MED25: variants seen among roughly 807,000 people sequenced by gnomAD.
The protein encoded by MED25 is mediator complex subunit 25.
In MED25, 62 loss-of-function variants were observed where a neutral mutation model predicts 89.4. That is an observed-to-expected ratio of 0.69 (90% confidence interval 0.57 to 0.86). MED25 has a LOEUF of 0.86. MED25 is among the 40% of genes least tolerant of loss of function. The pLI is 0.00. For missense variants in MED25, 905 were observed against 1,005.2 expected (o/e 0.90, Z 1.35); for synonymous variants, 449 against 427.9 (o/e 1.05, Z -0.61).
At chr19:49,818,697 G>A in intron 2 of MED25, 81 bp downstream of exon 2, 1 of 1,335,134 alleles carries the variant, frequency 7.5e-7, no homozygotes, top group Non-Finnish European at 1.1e-6. Context: ...AGAAAGGGCT[G>A]GGCCTGGACT....
At position 49,830,883 on chromosome 19, in the gene MED25, C is replaced by T; in HGVS notation, c.1097C>T (p.Ser366Phe). The T allele has an allele frequency of 1.2e-6, 2 of 1,606,292 alleles. No homozygotes were observed. The highest frequency in any genetic ancestry group is 2.2e-5 in the East Asian group (1 of 44,858). The change falls in exon 9 of 18, where the codon TCC becomes TTC. Residue 366 changes from serine (S) to phenylalanine (F), a missense_variant. By Grantham distance (155) the Ser-to-Phe change is radical (BLOSUM62 -2). Transcript: ENST00000312865. This position sits in a 1 kb window ranked among gnomAD's most constrained non-coding sequence, Gnocchi z 4.6. ...CCCACGGCACAGCCCGGGGCACCGT[C>T]CATGGTAGGTGCCTGCACGCCTCCT... ...LAPTAQPGAP[S>F]MAGTVAPGGV...
chr19:49,833,623 C>A (rs1048046931), intron 13 of MED25: 24 of 152,182 alleles, frequency 1.6e-4, no homozygotes, highest in African/African-American at 5.3e-4. Flanking sequence ...TAATTGGGGG[C>A]ACTCGGAAAA....
rs756788953 is a variant in MED25 at position 49,831,505 on chromosome 19, C to G, written c.1230+44C>G. ...CATTGGGCACTTGGGACTCCTGGGG[C>G]CGTGGGGCTGGGCATGTAGGACTCA... On this transcript the variant is annotated intron_variant, in intron 10 of 17. Transcript: ENST00000312865. This position sits in a 1 kb window ranked among gnomAD's most constrained non-coding sequence, Gnocchi z 5.0. The G allele has an allele frequency of 6.3e-7, 1 of 1,598,618 alleles. No individual in the cohort carries two copies. Among genetic ancestry groups the G allele is most frequent in the Non-Finnish European group, 8.5e-7 (1 of 1,171,234 alleles).
downstream of MED25, chr19:49,839,670 CA>C (rs1471719387): frequency 6.6e-6 from 1 of 152,206 alleles, no homozygotes; most frequent in Non-Finnish European, 1.5e-5. Flanking sequence ...TGTCCACAAA[CA>C]GCTACTTGAA....
chr19:49,836,042 G>A lies in MED25; in HGVS notation c.1965+97G>A. ...GGAGGGAGGTTGACTGTGGTCAGTG[G>A]GTGTGAATGGGGACCCGCCCAGGGC... is the stretch of plus-strand genomic sequence containing the variant. On this transcript the variant is annotated intron_variant, in intron 16 of 17. Coordinates refer to ENST00000312865, the MANE Select transcript of MED25 (RefSeq NM_030973.4). The surrounding 1 kb of genome is among the most constrained non-coding windows in gnomAD (Gnocchi z 5.1). The A allele has an allele frequency of 1.3e-6, 2 of 1,558,304 alleles. No homozygotes were observed. The highest frequency in any genetic ancestry group is 8.7e-7 in the Non-Finnish European group (1 of 1,152,896).
Position 49,829,754 on chromosome 19 carries a change from C to T in MED25, c.526-32C>T, listed in dbSNP as rs1480952179. The T allele has an allele frequency of 3.2e-6, 5 of 1,561,092 alleles. No homozygotes were observed. Among genetic ancestry groups the T allele is most frequent in the Admixed American group, 1.9e-5 (1 of 52,644 alleles). ...GGCCCCAACACCCTTATGGAGGGGG[C>T]CCGTCATGACTGCTCGGCCCCTCTC... On this transcript the variant is annotated intron_variant, in intron 5 of 17. Coordinates refer to ENST00000312865, the MANE Select transcript of MED25 (RefSeq NM_030973.4). This position sits in a 1 kb window ranked among gnomAD's most constrained non-coding sequence, Gnocchi z 4.6.
rs1457024436 is a variant in MED25 at position 49,835,959 on chromosome 19, G to A, written c.1965+14G>A. Reference sequence around the variant, plus strand: ...AACCCACCACCGGTGAGATGTTGGGGTGGGGTAGCGAGAGTTCCAGATCCT... The same window carrying A: ...AACCCACCACCGGTGAGATGTTGGGATGGGGTAGCGAGAGTTCCAGATCCT... On this transcript the variant is annotated intron_variant, in intron 16 of 17. Transcript: ENST00000312865. The surrounding 1 kb of genome is among the most constrained non-coding windows in gnomAD (Gnocchi z 6.2). The A allele has an allele frequency of 6.2e-7, 1 of 1,612,630 alleles. No homozygotes were observed.
At position 49,835,593 on chromosome 19, in the gene MED25, C is replaced by G; in HGVS notation, c.1734C>G (p.Pro578=). 1 of 1,562,520 alleles carries G rather than the reference C, an allele frequency of 6.4e-7. No homozygotes were observed. The highest frequency in any genetic ancestry group is 8.7e-7 in the Non-Finnish European group (1 of 1,153,766). The change falls in exon 15 of 18, where the codon CCC becomes CCG. Residue 578 remains proline (P), a synonymous_variant. Coordinates refer to ENST00000312865, the MANE Select transcript of MED25 (RefSeq NM_030973.4). This position sits in a 1 kb window ranked among gnomAD's most constrained non-coding sequence, Gnocchi z 6.2. ...CCATTCTGGAGGACCAAGCCAGGCC[C>G]TCACAGAATCTGGTGAGGACAGGGC... is the stretch of plus-strand genomic sequence containing the variant. ...LGPILEDQAR[P]SQNLLQLRPP...
Position 49,835,693 on chromosome 19 carries a change from C to A in MED25, c.1747-34C>A. The A allele has an allele frequency of 1.3e-6, 2 of 1,599,202 alleles. No individual in the cohort carries two copies. The highest frequency in any genetic ancestry group is 2.3e-5 in the East Asian group (1 of 43,684). Reference sequence around the variant, plus strand: ...CTGCAGAAGGGGCGTGAGGCCCTGCCCATCTCCCTCACCCCTGTGTCTCTT... The same window carrying A: ...CTGCAGAAGGGGCGTGAGGCCCTGCACATCTCCCTCACCCCTGTGTCTCTT... On this transcript the variant is annotated intron_variant, in intron 15 of 17. Transcript: ENST00000312865. This position sits in a 1 kb window ranked among gnomAD's most constrained non-coding sequence, Gnocchi z 6.2.
At chr19:49,827,360 G>C (rs1166328495) in intron 3 of MED25, among the ~76,000 whole-genome samples, 2 of 152,174 alleles carry the variant, frequency 1.3e-5, no homozygotes, top group Non-Finnish European at 2.9e-5. Flanking sequence ...ATGAGAAACT[G>C]GCCAGAAGAA....
intron 2 of MED25, chr19:49,818,960 G>GGGCTCCT (rs1188204183): frequency 6.2e-6 from 4 of 640,468 alleles, no homozygotes; most frequent in Non-Finnish European, 1.1e-5. Context: ...GCTGGGGCCT[G>GGGCTCCT]GGCTCCTGGG....
In MED25 at chr19:49,835,994, G is replaced by T. The variant is rs761186333; in HGVS notation, c.1965+49G>T. The T allele has an allele frequency of 6.2e-7, 1 of 1,602,946 alleles. No individual in the cohort carries two copies. Among genetic ancestry groups the T allele is most frequent in the South Asian group, 1.1e-5 (1 of 89,694 alleles). ...GAGAGTTCCAGATCCTGGCCCTGGT[G>T]GTTCTGGTCCTGTTGTCTGGGAGGA... On this transcript the variant is annotated intron_variant, in intron 16 of 17. Coordinates refer to ENST00000312865, the MANE Select transcript of MED25 (RefSeq NM_030973.4). The surrounding 1 kb of genome is among the most constrained non-coding windows in gnomAD (Gnocchi z 6.2).
chr19:49,825,845 T>C (rs2074011942), intron 3 of MED25, among the ~76,000 whole-genome samples: 1 of 151,576 alleles, frequency 6.6e-6, no homozygotes, highest in African/African-American at 2.4e-5. Context: ...AAAAAAAATT[T>C]ATCACCCCAA....
chr19:49,830,485 C>T lies in MED25; in HGVS notation c.820-26C>T, dbSNP rs559317751. 1.9e-6 allele frequency: 3 copies of T among 1,611,132 alleles called. No individual in the cohort carries two copies. Among genetic ancestry groups the T allele is most frequent in the East Asian group, 2.2e-5 (1 of 44,858 alleles). Reference sequence around the variant, plus strand: ...GGGGGGCCATGGTCCTCACCAGTCCCTTCCCTTCTTCCCTTCTACCCACAG... The same window carrying T: ...GGGGGGCCATGGTCCTCACCAGTCCTTTCCCTTCTTCCCTTCTACCCACAG... On this transcript the variant is annotated intron_variant, in intron 7 of 17. Transcript: ENST00000312865. This position sits in a 1 kb window ranked among gnomAD's most constrained non-coding sequence, Gnocchi z 4.6.
rs2074059853 is a variant in MED25 at position 49,831,877 on chromosome 19, G to A, written c.1231-59G>A. On this transcript the variant is annotated intron_variant, in intron 10 of 17. Coordinates refer to ENST00000312865, the MANE Select transcript of MED25 (RefSeq NM_030973.4). The surrounding 1 kb of genome is among the most constrained non-coding windows in gnomAD (Gnocchi z 5.0). ...GGGGCTACCAGGGTAGGACATGAGG[G>A]CTCAAGGGGACTGAGGCTTATGGCC... 1.3e-6 allele frequency: 2 copies of A among 1,486,826 alleles called. No homozygotes were observed. Among genetic ancestry groups the A allele is most frequent in the South Asian group, 1.1e-5 (1 of 88,290 alleles). 92.1% of individuals were successfully genotyped at this position (1,486,826 alleles called of 1,614,324 possible). A position where few individuals can be genotyped will look rare whatever the true frequency, so the allele number is the denominator to read the frequency against.
chr19:49,832,760 G>A (rs1045809201), intron 13 of MED25: 17 of 374,654 alleles, frequency 4.5e-5, no homozygotes, highest in Non-Finnish European at 7.7e-5. Flanking sequence ...CAACAGAAAC[G>A]TGTTCTATCC....
chr19:49,818,460 T>C lies in MED25; in HGVS notation c.119T>C (p.Leu40Pro), dbSNP rs1439974426. 6.2e-7 allele frequency: 1 copy of C among 1,614,186 alleles called. No homozygotes were observed. The change falls in exon 1 of 18, where the codon CTG (leucine) becomes CCG (proline). Residue 40 changes from leucine (L) to proline (P), a missense_variant. Leu to Pro is a moderately conservative substitution (Grantham distance 98). Transcript: ENST00000312865. Reference sequence around the variant, plus strand: ...TTCGAGGGGCTCCGCAAGCACTACCTGCTCCCGGCCATCGAGTGAGTGCTG... The same window carrying C: ...TTCGAGGGGCTCCGCAAGCACTACCCGCTCCCGGCCATCGAGTGAGTGCTG... ...PYFEGLRKHY[L>P]LPAIEYFNGG...
Position 49,836,548 on chromosome 19 carries a change from T to G in MED25, c.2146+142T>G. ...TTCCCCCATGGCCTTTGCGGAGCTC[T>G]GAGGGCTCCGGGAAAGTACAGCCCA... On this transcript the variant is annotated intron_variant, in intron 17 of 17. Coordinates refer to ENST00000312865, the MANE Select transcript of MED25 (RefSeq NM_030973.4). The surrounding 1 kb of genome is among the most constrained non-coding windows in gnomAD (Gnocchi z 5.1). 1 of 1,086,170 alleles carries G rather than the reference T, an allele frequency of 9.2e-7. No individual in the cohort carries two copies. The highest frequency in any genetic ancestry group is 1.9e-4 in the Middle Eastern group (1 of 5,146). The allele number at this position is 1,086,170 out of a possible 1,614,324, so 67.3% of individuals were successfully genotyped here. A position where few individuals can be genotyped will look rare whatever the true frequency, so the allele number is the denominator to read the frequency against.
chr19:49,818,908 G>A (rs1357255930), intron 2 of MED25: 2 of 566,914 alleles, frequency 3.5e-6, no homozygotes, highest in Non-Finnish European at 6.3e-6. Context: ...GTCTGAGAAA[G>A]GAGGAGCTGA....
Sources: gnomAD v4.1 joint callset for allele counts (sites outside exome capture counted in the v4.1 genomes callset) on GRCh38, gnomAD v4.1.1 for gene constraint, Gnocchi (gnomAD v3.1) non-coding constraint, MANE v1.5 for transcripts, NCBI Gene and HGNC (gene_info 2026-07-23, HGNC 2026-07-21) for gene names.